ASXL3: variants seen among roughly 807,000 people sequenced by gnomAD.
ASXL3 encodes the protein putative Polycomb group protein ASXL3.
In ASXL3, 34 loss-of-function variants were observed where a neutral mutation model predicts 170.6. The ratio of observed to expected loss-of-function variants is 0.20; its 90% confidence interval spans 0.15 to 0.27. ASXL3 has a LOEUF of 0.27. Among genes scored for constraint, ASXL3 ranks in the 10% least tolerant of loss-of-function variants. ASXL3 has a pLI of 1.00. For missense variants in ASXL3, 2,592 were observed against 2,695.3 expected, an observed-to-expected ratio of 0.96 and a Z score of 0.85; for synonymous variants, 1,002 against 989.1, an observed-to-expected ratio of 1.01 and a Z score of -0.24.
chr18:33,693,537 A>G (rs1178426408), intron 8 of ASXL3, among the ~76,000 whole-genome samples: 2 of 152,172 alleles, frequency 1.3e-5, no homozygotes, highest in East Asian at 3.9e-4. Flanking sequence ...AGTGTATGTA[A>G]GTGTCTGCTA....
Position 33,739,092 on chromosome 18 carries a change from C to A in ASXL3, c.1688C>A (p.Thr563Asn), listed in dbSNP as rs753638332. Residue 563 changes from threonine (T) to asparagine (N), a missense_variant, in exon 11 of 12, where the codon ACT becomes AAT. Thr to Asn is a moderately conservative substitution (Grantham distance 65). Transcript: ENST00000269197. ...VSDTEHKESETAVETSTPKIK... is the reference protein window; with the variant it reads ...VSDTEHKESENAVETSTPKIK... The stretch of plus-strand genomic sequence containing the variant: ...GACACAGAACATAAGGAGTCAGAAA[C>A]TGCAGTAGAGACCAGTACCCCCAAA... 6.2e-7 allele frequency: 1 copy of A among 1,613,300 alleles called. No homozygotes were observed. Among genetic ancestry groups the A allele is most frequent in the African/African-American group, 1.3e-5 (1 of 74,928 alleles).
At chr18:33,632,293 C>T (rs2065690645) in intron 2 of ASXL3, among the ~76,000 whole-genome samples, 1 of 151,864 alleles carries the variant, frequency 6.6e-6, no homozygotes. Flanking sequence ...ATATAGTTTT[C>T]TGAAGTTTGG....
At chr18:33,625,251 T>C (rs1049934938) in intron 2 of ASXL3, among the ~76,000 whole-genome samples, 5 of 152,148 alleles carry the variant, frequency 3.3e-5, no homozygotes, top group Admixed American at 6.6e-5. Flanking sequence ...TCCTGTATGA[T>C]TCCTAGATCA....
chr18:33,725,147 A>G (rs1396760717), intron 8 of ASXL3, among the ~76,000 whole-genome samples: 2 of 152,132 alleles, frequency 1.3e-5, no homozygotes. Context: ...TAAGTGGCTC[A>G]ATGATAACAG....
chr18:33,659,333 C>T (rs2145228269), intron 4 of ASXL3, among the ~76,000 whole-genome samples: 1 of 152,180 alleles, frequency 6.6e-6, no homozygotes, highest in South Asian at 2.1e-4. Flanking sequence ...CTCATATTTT[C>T]CCTAAGTTCC....
intron 7 of ASXL3, among the ~76,000 whole-genome samples, chr18:33,676,419 G>A (rs1020225349): frequency 4.8e-4 from 73 of 152,030 alleles, no homozygotes; most frequent in African/African-American, 1.7e-3. Flanking sequence ...GTAGCCCACT[G>A]ATTGAATAGA....
chr18:33,721,858 C>T (rs1459889994), intron 8 of ASXL3, among the ~76,000 whole-genome samples: 1 of 151,992 alleles, frequency 6.6e-6, no homozygotes, highest in Non-Finnish European at 1.5e-5. Context: ...GGGCATCATT[C>T]CATTTTTCCA....
intron 2 of ASXL3, among the ~76,000 whole-genome samples, chr18:33,621,221 T>C (rs2065507864): frequency 6.6e-6 from 1 of 152,184 alleles, no homozygotes; most frequent in Non-Finnish European, 1.5e-5. Context: ...TCCACAATGA[T>C]AGTCAATGAA....
chr18:33,620,808 G>A (rs2065500620), intron 2 of ASXL3, among the ~76,000 whole-genome samples: 1 of 152,042 alleles, frequency 6.6e-6, no homozygotes, highest in African/African-American at 2.4e-5. Context: ...AGTCTTCCCT[G>A]TACCCAACTT....
At chr18:33,738,106 T>C (rs993368741) in intron 10 of ASXL3, among the ~76,000 whole-genome samples, 1 of 152,014 alleles carries the variant, frequency 6.6e-6, no homozygotes, top group Admixed American at 6.6e-5. Flanking sequence ...TTAGTTGAGA[T>C]TATAAAAGCA....
rs568264198 is a variant in ASXL3, at chr18:33,679,787, A to C, written c.716-3618A>C. ...ATTTGTATTCAATGACATTGCAAAG[A>C]GTCATAATATTATGCTTTTTAAAAT... On this transcript the variant is annotated intron_variant, in intron 7 of 11. Coordinates refer to ENST00000269197, the MANE Select transcript of ASXL3 (RefSeq NM_030632.3). 2.1e-3 allele frequency among the ~76,000 whole-genome samples: 314 copies of C among 152,226 alleles called. 3 individuals carry two copies. Among genetic ancestry groups the C allele is most frequent in the African/African-American group, 7.2e-3 (300 of 41,574 alleles).
At chr18:33,645,497 GAGA>G (rs1220779177) in intron 3 of ASXL3, among the ~76,000 whole-genome samples, 1 of 151,892 alleles carries the variant, frequency 6.6e-6, no homozygotes, top group African/African-American at 2.4e-5. Flanking sequence ...ACACTTGTAT[GAGA>G]AGAAGAGAGA....
intron 8 of ASXL3, among the ~76,000 whole-genome samples, chr18:33,718,518 C>T (rs1356210607): frequency 6.6e-6 from 1 of 152,046 alleles, no homozygotes; most frequent in South Asian, 2.1e-4. Context: ...TTTGCTGATT[C>T]TTCTGCTCTG....
At position 33,578,616 on chromosome 18, in the gene ASXL3, T is replaced by A; in HGVS notation, c.-16T>A. Reference sequence around the variant, plus strand: ...ATCCCCCACGTCATCATCAGAACCATCAATGAGATGCAAACATGAAAGACA... The same window carrying A: ...ATCCCCCACGTCATCATCAGAACCAACAATGAGATGCAAACATGAAAGACA... On this transcript the variant is annotated 5_prime_UTR_variant, in exon 1 of 12. Transcript: ENST00000269197. 7.5e-7 allele frequency: 1 copy of A among 1,329,058 alleles called. No homozygotes were observed. Among genetic ancestry groups the A allele is most frequent in the South Asian group, 1.6e-5 (1 of 62,812 alleles). 82.3% of individuals were successfully genotyped at this position (1,329,058 alleles called of 1,614,324 possible). A position where few individuals can be genotyped will look rare whatever the true frequency, so the allele number is the denominator to read the frequency against.
At position 33,738,813 on chromosome 18, in the gene ASXL3, A is replaced by G. The variant is rs80040227; in HGVS notation, c.1409A>G (p.His470Arg). 6.2e-7 allele frequency: 1 copy of G among 1,613,686 alleles called. No homozygotes were observed. Among genetic ancestry groups the G allele is most frequent in the Non-Finnish European group, 8.5e-7 (1 of 1,179,862 alleles). ...ATCTGTGAATGCCAGGATGAAAATC[A>G]TAAGACAATACCTGAATTTTCTGAG... ...TSICECQDEN[H>R]KTIPEFSEEA... The change falls in exon 11 of 12, where the codon CAT (histidine) becomes CGT (arginine). Residue 470 changes from histidine (H) to arginine (R), a missense_variant. Transcript: ENST00000269197.
At chr18:33,713,384 A>C (rs1170288507) in intron 8 of ASXL3, among the ~76,000 whole-genome samples, 1 of 142,840 alleles carries the variant, frequency 7.0e-6, no homozygotes, top group Non-Finnish European at 1.5e-5. Context: ...CAGCCTCCTC[A>C]GTAGCTGAGA....
chr18:33,691,860 G>A (rs1238235116), intron 8 of ASXL3, among the ~76,000 whole-genome samples: 1 of 152,162 alleles, frequency 6.6e-6, no homozygotes, highest in Non-Finnish European at 1.5e-5. Flanking sequence ...AACAATATGT[G>A]CCAGTAATAA....
intron 2 of ASXL3, among the ~76,000 whole-genome samples, chr18:33,634,102 T>C (rs1035459825): frequency 2.0e-5 from 3 of 152,132 alleles, no homozygotes; most frequent in Admixed American, 1.3e-4. Flanking sequence ...TGAGGAGGAC[T>C]TTTAACTGGG....
At chr18:33,719,392 C>T (rs1019709380) in intron 8 of ASXL3, among the ~76,000 whole-genome samples, 3 of 152,032 alleles carry the variant, frequency 2.0e-5, no homozygotes, top group African/African-American at 7.2e-5. Context: ...GCCTTAACAC[C>T]ATTTATAGTT....
Sources: allele counts gnomAD v4.1 joint callset (sites outside exome capture counted in the v4.1 genomes callset), GRCh38; gene constraint gnomAD v4.1.1; transcripts MANE v1.5; gene names NCBI Gene and HGNC (gene_info 2026-07-23, HGNC 2026-07-21).